The following ZNF76 variants were observed in gnomAD, a reference collection of about 807,000 sequenced individuals.
ZNF76 encodes the protein zinc finger protein 523.
ZNF76 carries 66 observed loss-of-function variants against 66.9 expected under a neutral mutation model. The ratio of observed to expected loss-of-function variants is 0.99; its 90% confidence interval spans 0.81 to 1.21. The LOEUF (loss-of-function observed/expected upper bound fraction) is 1.21, where lower values mean the gene tolerates loss of function less well. ZNF76 is among the 50% of genes most tolerant of loss of function. The probability of loss-of-function intolerance (pLI) is 0.00; values close to 1 mark genes in which losing one functional copy is unlikely to be tolerated. For synonymous variants in ZNF76, 275 were observed against 296.1 expected (o/e 0.93, Z 0.73); for missense variants, 729 against 760.3 (o/e 0.96, Z 0.48).
chr6:35,291,627 T>C lies in ZNF76; in HGVS notation c.821T>C (p.Val274Ala). 6.2e-7 allele frequency: 1 copy of C among 1,613,930 alleles called. No individual in the cohort carries two copies. The highest frequency in any genetic ancestry group is 8.5e-7 in the Non-Finnish European group (1 of 1,179,936). ...TTCACCACATCTAACATCCGCAAGGTACATGTGCGCACCCACACAGGCGAG... is the reference window on the plus strand; with the variant it reads ...TTCACCACATCTAACATCCGCAAGGCACATGTGCGCACCCACACAGGCGAG... Reference protein sequence around the residue: ...RSFTTSNIRKVHVRTHTGERP... With the variant: ...RSFTTSNIRKAHVRTHTGERP... Residue 274 changes from valine (V) to alanine (A), a missense_variant, in exon 9 of 14, where the codon GTA (valine) becomes GCA (alanine). Physicochemically the swap from Val to Ala is moderately conservative, Grantham distance 64. Coordinates refer to ENST00000373953, the MANE Select transcript of ZNF76 (RefSeq NM_003427.5).
Position 35,295,298 on chromosome 6 carries a change from T to C in ZNF76, c.*50T>C. 1 of 1,471,286 alleles carries C rather than the reference T, an allele frequency of 6.8e-7. No individual in the cohort carries two copies. Among genetic ancestry groups the C allele is most frequent in the Non-Finnish European group, 9.3e-7 (1 of 1,077,828 alleles). The allele number at this position is 1,471,286 out of a possible 1,614,324, so 91.1% of individuals were successfully genotyped here. The stretch of plus-strand genomic sequence containing the variant: ...CATGCTGGAGGAAGTGCCATCTGCA[T>C]GGCCACTCTTGCCCCCAAGGGCCCA... On this transcript the variant is annotated 3_prime_UTR_variant, in exon 14 of 14. Coordinates refer to ENST00000373953, the MANE Select transcript of ZNF76 (RefSeq NM_003427.5).
chr6:35,288,027 A>C (rs1272762910), intron 5 of ZNF76, 182 bp downstream of exon 5: 1 of 741,140 alleles, frequency 1.3e-6, no homozygotes, highest in Admixed American at 2.0e-5. Context: ...CCTGTCACAC[A>C]TCATTGTCTA....
chr6:35,282,923 G>A (rs904999929), intron 2 of ZNF76, among the ~76,000 whole-genome samples: 4 of 152,078 alleles, frequency 2.6e-5, no homozygotes, highest in Non-Finnish European at 2.9e-5. Context: ...TCTTGAGAAC[G>A]CAACTTCTCT....
intron 1 of ZNF76, among the ~76,000 whole-genome samples, chr6:35,269,952 T>C (rs1052282909): frequency 5.9e-5 from 9 of 152,304 alleles, no homozygotes; most frequent in Middle Eastern, 6.8e-3. Context: ...AGTTTTCGGA[T>C]GTGCTTTTGC....
chr6:35,277,149 G>A (rs1022114837), intron 1 of ZNF76, among the ~76,000 whole-genome samples: 1 of 152,032 alleles, frequency 6.6e-6, no homozygotes, highest in Non-Finnish European at 1.5e-5. Context: ...ACACAGTGCA[G>A]TTACACTAAA....
chr6:35,291,226 A>T (rs1790328269), intron 7 of ZNF76, 52 bp from the exon 8 acceptor site: 1 of 1,563,036 alleles, frequency 6.4e-7, no homozygotes, highest in Non-Finnish European at 8.7e-7. Context: ...ACGGTGGAGG[A>T]TGAGACCCCA....
intron 1 of ZNF76, among the ~76,000 whole-genome samples, chr6:35,273,471 C>G (rs1036518140): frequency 1.3e-5 from 2 of 151,698 alleles, no homozygotes; most frequent in Non-Finnish European, 2.9e-5. Context: ...CTGCACCTGG[C>G]CAGACATTGA....
intron 1 of ZNF76, among the ~76,000 whole-genome samples, chr6:35,278,940 C>T (rs1312462832): frequency 6.6e-6 from 1 of 152,192 alleles, no homozygotes; most frequent in African/African-American, 2.4e-5. Flanking sequence ...CTTGTGTAGG[C>T]AACGGACATT....
chr6:35,275,836 G>A (rs1787817001), intron 1 of ZNF76, among the ~76,000 whole-genome samples: 1 of 152,130 alleles, frequency 6.6e-6, no homozygotes. Flanking sequence ...TTTTTCCATT[G>A]CGGGTAGGCC....
At chr6:35,289,083 TA>T (rs1323125119) in intron 5 of ZNF76, among the ~76,000 whole-genome samples, 1 of 152,134 alleles carries the variant, frequency 6.6e-6, no homozygotes, top group Non-Finnish European at 1.5e-5. Context: ...GGGTTTTATT[TA>T]AATCATGAGC....
intron 4 of ZNF76, 160 bp downstream of exon 4, chr6:35,286,559 A>G: frequency 1.1e-5 from 8 of 704,316 alleles, no homozygotes; most frequent in Non-Finnish European, 2.0e-5. Flanking sequence ...AGCCTTGCCC[A>G]CCTTCCCTGG....
chr6:35,261,160 T>C (rs1366522067), intron 1 of ZNF76, among the ~76,000 whole-genome samples: 1 of 152,172 alleles, frequency 6.6e-6, no homozygotes, highest in Admixed American at 6.5e-5. Context: ...ACATAACATA[T>C]GTAAAGCACC....
chr6:35,274,346 A>G (rs2267660), intron 1 of ZNF76, among the ~76,000 whole-genome samples: 5,389 of 152,324 alleles, frequency 0.035, 336 homozygotes, highest in East Asian at 0.31. Flanking sequence ...CCAACTGTCC[A>G]GAGTTCTGGT....
chr6:35,294,460 C>G lies in ZNF76; in HGVS notation c.1499C>G (p.Thr500Arg), dbSNP rs1790887907. ...AGACCTCCTTTTGTCTTTCAGGTCA[C>G]AATCATTACCTCTGGGGCTGTGGTG... Reference protein sequence around the residue: ...SADGTQTQPVTIITSGAVVAE... With the variant: ...SADGTQTQPVRIITSGAVVAE... Residue 500 changes from threonine to arginine, a missense_variant, in exon 13 of 14, where the codon ACA becomes AGA. Physicochemically the swap from Thr to Arg is moderately conservative, Grantham distance 71. Coordinates refer to ENST00000373953, the MANE Select transcript of ZNF76 (RefSeq NM_003427.5). 6.2e-7 allele frequency: 1 copy of G among 1,612,244 alleles called. No individual in the cohort carries two copies. Among genetic ancestry groups the G allele is most frequent in the African/African-American group, 1.3e-5 (1 of 74,866 alleles).
chr6:35,293,353 T>G (rs138931136), intron 11 of ZNF76, among the ~76,000 whole-genome samples: 1 of 152,210 alleles, frequency 6.6e-6, no homozygotes, highest in Non-Finnish European at 1.5e-5. Flanking sequence ...CATGTTCATA[T>G]AGCAGCCAGA....
intron 1 of ZNF76, among the ~76,000 whole-genome samples, chr6:35,264,694 C>G (rs1295150928): frequency 1.3e-5 from 2 of 152,138 alleles, no homozygotes; most frequent in Non-Finnish European, 2.9e-5. Flanking sequence ...GTACTGTTAT[C>G]TAGGTTAAGT....
In ZNF76 at chr6:35,287,410, T is replaced by C. The variant is rs1397384013; in HGVS notation, c.233-236T>C. Among the ~76,000 whole-genome samples, 1 of 152,106 alleles carries C rather than the reference T, an allele frequency of 6.6e-6. No homozygotes were observed. The highest frequency in any genetic ancestry group is 1.5e-5 in the Non-Finnish European group (1 of 68,010). ...AAGCCAAAATGATGATGGGCCCCTG[T>C]CAGGTCCTCAAGGAGCTTGTGAGTT... On this transcript the variant is annotated intron_variant, in intron 4 of 13. Coordinates refer to ENST00000373953, the MANE Select transcript of ZNF76 (RefSeq NM_003427.5). The surrounding 1 kb of genome is among the most constrained non-coding windows in gnomAD (Gnocchi z 4.0).
Position 35,295,597 on chromosome 6 carries a change from G to A in ZNF76, c.*349G>A. 8.4e-6 allele frequency: 3 copies of A among 356,974 alleles called. No individual in the cohort carries two copies. Among genetic ancestry groups the A allele is most frequent in the South Asian group, 6.5e-5 (3 of 46,004 alleles). 22.1% of individuals were successfully genotyped at this position (356,974 alleles called of 1,614,324 possible). A position where few individuals can be genotyped will look rare whatever the true frequency, so the allele number is the denominator to read the frequency against. On this transcript the variant is annotated 3_prime_UTR_variant, in exon 14 of 14. Transcript: ENST00000373953. ...CTCAGGTAGAGATTGGGGCTGCTAT[G>A]GGGACTGGCCCTGTAGGGTTGAGCC... is the stretch of plus-strand genomic sequence containing the variant.
chr6:35,284,521 T>C lies in ZNF76; in HGVS notation c.74-1607T>C, dbSNP rs184597392. Among the ~76,000 whole-genome samples, 1,088 of 150,296 alleles carry C rather than the reference T, an allele frequency of 7.2e-3. 9 individuals are homozygous for C. Among genetic ancestry groups the C allele is most frequent in the African/African-American group, 0.016 (643 of 40,818 alleles). ...TCAAGTGATTCTCCTGCCTCAGCCT[T>C]CCGAGTAGCTGGGACGACAGGTACC... On this transcript the variant is annotated intron_variant, in intron 2 of 13. Transcript: ENST00000373953.
Sources: allele counts gnomAD v4.1 joint callset (sites outside exome capture counted in the v4.1 genomes callset), GRCh38; gene constraint gnomAD v4.1.1; non-coding constraint Gnocchi (gnomAD v3.1); transcripts MANE v1.5; gene names NCBI Gene and HGNC (gene_info 2026-07-23, HGNC 2026-07-21).